PTCHD1: variants seen among roughly 807,000 people sequenced by gnomAD.
The protein encoded by PTCHD1 is patched domain containing 1, also known as patched domain-containing protein 1.
In PTCHD1, 3 loss-of-function variants were observed where a neutral mutation model predicts 34.6. The ratio of observed to expected loss-of-function variants is 0.09; its 90% CI spans 0.04 to 0.22. The LOEUF is 0.22. Among genes scored for constraint, PTCHD1 ranks in the 10% least tolerant of loss-of-function variants. The pLI, the probability that PTCHD1 is intolerant of heterozygous loss-of-function variation, is 1.00. For synonymous variants in PTCHD1, 305 were observed against 283.1 expected (o/e 1.08, Z -0.77); for missense variants, 504 against 685.5 (o/e 0.74, Z 2.96).
chrX:23,401,023 TTGTGTGTGTGTGTGTGTGTGTGTG>T lies in PTCHD1; in HGVS notation c.*6850_*6873del, dbSNP rs761301286. 1 of 94,486 alleles carries T rather than the reference TTGTGTGTGTGTGTGTGTGTGTGTG, an allele frequency of 1.1e-5. No homozygotes were observed. The highest frequency in any genetic ancestry group is 4.1e-5 in the African/African-American group (1 of 24,501). 7.8% of individuals were successfully genotyped at this position (94,486 alleles called of 1,213,427 possible). ...GGTGCCCGCCACCGCGCCCGGCTAA[TTGTGTGTGTGTGTGTGTGTGTGTG>T]TGTGTGTGTGTTTAGTAGAGATGGG... On this transcript the variant is annotated 3_prime_UTR_variant, in exon 3 of 3. Coordinates refer to ENST00000379361, the MANE Select transcript of PTCHD1 (RefSeq NM_173495.3).
intron 1 of PTCHD1, among the ~76,000 whole-genome samples, chrX:23,339,706 C>T (rs777724497): frequency 2.6e-4 from 29 of 112,311 alleles, no homozygotes; most frequent in African/African-American, 9.4e-4. Context: ...ACCATCATTT[C>T]TTCCTCCACA....
intron 1 of PTCHD1, among the ~76,000 whole-genome samples, chrX:23,357,287 G>T (rs1436481699): frequency 1.8e-5 from 2 of 111,960 alleles, no homozygotes; most frequent in Admixed American, 1.9e-4. Context: ...ATGTGGAAAG[G>T]TGCCTAGTTT....
chrX:23,336,770 T>G (rs1921180008), intron 1 of PTCHD1, among the ~76,000 whole-genome samples: 1 of 111,881 alleles, frequency 8.9e-6, no homozygotes, highest in Non-Finnish European at 1.9e-5. Flanking sequence ...CTCTCAATAC[T>G]TTAGTGACTA....
chrX:23,392,765 A>G lies in PTCHD1; in HGVS notation c.1247A>G (p.Tyr416Cys), dbSNP rs1228156219. The stretch of plus-strand genomic sequence containing the variant: ...ATTGCAATCTTCTTCAACTACCTCT[A>G]TGTACTCTCGTTTTATGGTTCCAGC... The part of the protein sequence containing the change: ...SCIAIFFNYL[Y>C]VLSFYGSSLV... The change falls in exon 3 of 3, where the codon TAT (tyrosine) becomes TGT (cysteine). Residue 416 changes from tyrosine to cysteine, a missense_variant. Tyr to Cys is a radical substitution (Grantham distance 194). Coordinates refer to ENST00000379361, the MANE Select transcript of PTCHD1 (RefSeq NM_173495.3). The G allele has an allele frequency of 1.7e-6, 2 of 1,210,924 alleles. No individual in the cohort carries two copies. The highest frequency in any genetic ancestry group is 2.2e-5 in the Admixed American group (1 of 46,069).
chrX:23,349,668 G>A (rs1224241564), intron 1 of PTCHD1, among the ~76,000 whole-genome samples: 1 of 111,683 alleles, frequency 9.0e-6, no homozygotes, highest in Non-Finnish European at 1.9e-5. Flanking sequence ...AAATACATAA[G>A]GCAAGAACTG....
At chrX:23,342,294 ATATATATATATATATATTTTTT>A (rs1326137900) in intron 1 of PTCHD1, among the ~76,000 whole-genome samples, 148 of 7,820 alleles carry the variant, frequency 0.019, 1 homozygote, top group African/African-American at 0.11. Context: ...ATATATATAT[ATATATATATATATATATTTTTT>A]TTTTTTTTTT....
At chrX:23,342,302 ATATATATATTTTTT>A (rs1921352364) in intron 1 of PTCHD1, among the ~76,000 whole-genome samples, 1 of 10,020 alleles carries the variant, frequency 1.0e-4, no homozygotes, top group Admixed American at 2.4e-3. Flanking sequence ...ATATATATAT[ATATATATATTTTTT>A]TTTTTTTTTT....
intron 1 of PTCHD1, among the ~76,000 whole-genome samples, chrX:23,357,943 A>C (rs901677111): frequency 5.4e-5 from 6 of 111,210 alleles, no homozygotes; most frequent in Non-Finnish European, 1.1e-4. Context: ...GTTTGCTGAG[A>C]GTAATGGTTT....
intron 1 of PTCHD1, among the ~76,000 whole-genome samples, chrX:23,337,934 T>A (rs1218710420): frequency 9.0e-6 from 1 of 110,957 alleles, no homozygotes; most frequent in Non-Finnish European, 1.9e-5. Context: ...AAAAAAAAAA[T>A]AGACTGGGAG....
intron 1 of PTCHD1, among the ~76,000 whole-genome samples, chrX:23,364,389 C>G (rs1164488355): frequency 2.8e-5 from 3 of 105,925 alleles, no homozygotes; most frequent in Non-Finnish European, 5.9e-5. Flanking sequence ...CACACACACA[C>G]ACACACACAC....
rs761301286 is a variant in PTCHD1, at chrX:23,401,023, TTGTG to T, written c.*6870_*6873del. ...GGTGCCCGCCACCGCGCCCGGCTAA[TTGTG>T]TGTGTGTGTGTGTGTGTGTGTGTGT... On this transcript the variant is annotated 3_prime_UTR_variant, in exon 3 of 3. Coordinates refer to ENST00000379361, the MANE Select transcript of PTCHD1 (RefSeq NM_173495.3). 4.6e-3 allele frequency: 439 copies of T among 94,538 alleles called. 1 individual carries two copies. The highest frequency in any genetic ancestry group is 0.01 in the Admixed American group (89 of 8,823). The allele number at this position is 94,538 out of a possible 1,213,427, so 7.8% of individuals were successfully genotyped here. A position where few individuals can be genotyped will look rare whatever the true frequency, so the allele number is the denominator to read the frequency against.
chrX:23,345,396 G>A (rs1041010775), intron 1 of PTCHD1, among the ~76,000 whole-genome samples: 2 of 112,083 alleles, frequency 1.8e-5, no homozygotes, highest in Admixed American at 1.9e-4. Flanking sequence ...AAGCCCCCAG[G>A]GATATTGATG....
rs34539351 is a variant in PTCHD1, at chrX:23,394,409, GAC to G, written c.*265_*266del. ...TGTTATGAGAATTCACACACACATAGACACACACACACACACACACACACACA... is the reference window on the plus strand; with the variant it reads ...TGTTATGAGAATTCACACACACATAGACACACACACACACACACACACACA... On this transcript the variant is annotated 3_prime_UTR_variant, in exon 3 of 3. Transcript: ENST00000379361. 6,693 of 192,435 alleles carry G rather than the reference GAC, an allele frequency of 0.035. 35 individuals carry two copies. The highest frequency in any genetic ancestry group is 0.054 in the African/African-American group (1,454 of 27,126). The allele number at this position is 192,435 out of a possible 1,213,427, so 15.9% of individuals were successfully genotyped here.
intron 1 of PTCHD1, among the ~76,000 whole-genome samples, chrX:23,372,014 T>C (rs1922291484): frequency 9.0e-6 from 1 of 110,947 alleles, no homozygotes; most frequent in South Asian, 3.8e-4. Flanking sequence ...TTCTAGTTAA[T>C]GGAAATGTAG....
rs936747733 is a variant in PTCHD1, at chrX:23,396,013, C to T, written c.*1828C>T. 3 of 111,977 alleles carry T rather than the reference C, an allele frequency of 2.7e-5. No individual in the cohort carries two copies. The highest frequency in any genetic ancestry group is 9.8e-5 in the African/African-American group (3 of 30,764). 9.2% of individuals were successfully genotyped at this position (111,977 alleles called of 1,213,427 possible). A position where few individuals can be genotyped will look rare whatever the true frequency, so the allele number is the denominator to read the frequency against. On this transcript the variant is annotated 3_prime_UTR_variant, in exon 3 of 3. Coordinates refer to ENST00000379361, the MANE Select transcript of PTCHD1 (RefSeq NM_173495.3). ...TATTACTCCTCTCAAAATGCATTTCCAAAGTAGGAACATAGGACTTCGTTG... is the reference window on the plus strand; with the variant it reads ...TATTACTCCTCTCAAAATGCATTTCTAAAGTAGGAACATAGGACTTCGTTG...
chrX:23,375,321 G>A (rs933843211), intron 1 of PTCHD1, among the ~76,000 whole-genome samples: 9 of 95,542 alleles, frequency 9.4e-5, no homozygotes, highest in African/African-American at 3.4e-4. Context: ...ACGGAGTCTC[G>A]TTCTGTCGCC....
rs1364942486 is a variant in PTCHD1 at position 23,397,599 on chromosome X, G to A, written c.*3414G>A. 2 of 111,906 alleles carry A rather than the reference G, an allele frequency of 1.8e-5. No individual in the cohort carries two copies. The highest frequency in any genetic ancestry group is 1.9e-4 in the Admixed American group (2 of 10,515). 9.2% of individuals were successfully genotyped at this position (111,906 alleles called of 1,213,427 possible). A position where few individuals can be genotyped will look rare whatever the true frequency, so the allele number is the denominator to read the frequency against. On this transcript the variant is annotated 3_prime_UTR_variant, in exon 3 of 3. Transcript: ENST00000379361. ...CTACCTTCTGCCTTTTACTCCCTCA[G>A]TTTTCAGTCAGAAGTGTGATAATCA...
rs765690048 is a variant in PTCHD1, at chrX:23,394,302, C to CA, written c.*139dup. The CA allele has an allele frequency of 0.063, 3,254 of 51,994 alleles. 301 individuals are homozygous for CA. The highest frequency in any genetic ancestry group is 0.073 in the Non-Finnish European group (2,218 of 30,207). The allele number at this position is 51,994 out of a possible 1,213,427, so 4.3% of individuals were successfully genotyped here. A position where few individuals can be genotyped will look rare whatever the true frequency, so the allele number is the denominator to read the frequency against. ...TTTAAAGATAGGAAACAGGCATTGC[C>CA]AAAAAAAAAAAAAAAAAAAAAAGGA... is the stretch of plus-strand genomic sequence containing the variant. On this transcript the variant is annotated 3_prime_UTR_variant, in exon 3 of 3. Coordinates refer to ENST00000379361, the MANE Select transcript of PTCHD1 (RefSeq NM_173495.3).
At chrX:23,356,635 C>T (rs1921811526) in intron 1 of PTCHD1, among the ~76,000 whole-genome samples, 1 of 111,939 alleles carries the variant, frequency 8.9e-6, no homozygotes, top group African/African-American at 3.2e-5. Context: ...ATATCACATC[C>T]AGTAAACCTT....
Sources: allele counts gnomAD v4.1 joint callset (sites outside exome capture counted in the v4.1 genomes callset), GRCh38; gene constraint gnomAD v4.1.1; transcripts MANE v1.5; gene names NCBI Gene and HGNC (gene_info 2026-07-23, HGNC 2026-07-21).